Variants in CEP83 observed in about 807,000 individuals in gnomAD.
The protein encoded by CEP83 is centrosomal protein 83.
In CEP83, 70 loss-of-function variants were observed where a neutral mutation model predicts 101.9. The ratio of observed to expected loss-of-function variants is 0.69; its 90% CI spans 0.57 to 0.84. CEP83 has a LOEUF of 0.84. Among genes scored for constraint, CEP83 ranks in the 40% least tolerant of loss-of-function variants. The probability of loss-of-function intolerance (pLI) is 0.00; values close to 1 mark genes in which losing one functional copy is unlikely to be tolerated. For missense variants in CEP83, 715 were observed against 787.2 expected (o/e 0.91, Z 1.10); for synonymous variants, 264 against 267.9 (o/e 0.99, Z 0.14).
chr12:94,417,006 C>T (rs1242565801), intron 2 of CEP83, among the ~76,000 whole-genome samples: 1 of 152,112 alleles, frequency 6.6e-6, no homozygotes, highest in East Asian at 1.9e-4. Context: ...AAGGTGTCAA[C>T]AGAGGCCATC....
At chr12:94,441,600 A>G (rs1186777184) in intron 1 of CEP83, among the ~76,000 whole-genome samples, 2 of 152,192 alleles carry the variant, frequency 1.3e-5, no homozygotes, top group Admixed American at 1.3e-4. Flanking sequence ...CACTATAGAA[A>G]ACAGTGTGGA....
rs1343031583 is a variant in CEP83, at chr12:94,367,886, G to C, written c.1251C>G (p.Val417=). 1.9e-6 allele frequency: 3 copies of C among 1,613,580 alleles called. No homozygotes were observed. Among genetic ancestry groups the C allele is most frequent in the South Asian group, 2.2e-5 (2 of 91,064 alleles). ...DLEKMKVEHD[V]WRQSEKDQYE... ...ACTGATCCTTTTCAGATTGCCTCCA[G>C]ACATCATGTTCCACTTTCATTTTCT... Residue 417 remains valine, a synonymous_variant, in exon 11 of 17, where the codon GTC becomes GTG. Coordinates refer to ENST00000397809, the MANE Select transcript of CEP83 (RefSeq NM_016122.3).
chr12:94,340,833 C>T (rs1324346288), intron 11 of CEP83, among the ~76,000 whole-genome samples: 1 of 152,066 alleles, frequency 6.6e-6, no homozygotes, highest in African/African-American at 2.4e-5. Flanking sequence ...GGACAGCAGA[C>T]AAACGAGAGA....
At chr12:94,303,437 T>C (rs557965058), downstream of CEP83, among the ~76,000 whole-genome samples, 43 of 152,222 alleles carry the variant, frequency 2.8e-4, 1 homozygote, top group Non-Finnish European at 7.3e-5. Flanking sequence ...TGAACTATGA[T>C]TGAAATAAGT....
intron 6 of CEP83, among the ~76,000 whole-genome samples, chr12:94,394,755 C>T (rs1593680926): frequency 6.6e-6 from 1 of 151,182 alleles, no homozygotes. Flanking sequence ...CCAGAATCTA[C>T]AAAGAACTCA....
chr12:94,283,635 G>T, the CEP83 span, among the ~76,000 whole-genome samples: 2 of 152,324 alleles, frequency 1.3e-5, no homozygotes, highest in South Asian at 4.1e-4. Flanking sequence ...TGGGTTGGGG[G>T]AAGCCAGTGA....
intron 2 of CEP83, among the ~76,000 whole-genome samples, chr12:94,412,828 A>T (rs1456700045): frequency 6.6e-6 from 1 of 150,730 alleles, no homozygotes; most frequent in Non-Finnish European, 1.5e-5. Context: ...AGCTGGGATT[A>T]CAGGCGCCTG....
At chr12:94,427,014 G>T (rs936263729) in intron 2 of CEP83, among the ~76,000 whole-genome samples, 4 of 152,102 alleles carry the variant, frequency 2.6e-5, no homozygotes, top group African/African-American at 9.7e-5. Context: ...CTATTATATG[G>T]TAATTTGTAA....
chr12:94,425,631 C>T (rs560184773), intron 2 of CEP83, among the ~76,000 whole-genome samples: 2 of 152,136 alleles, frequency 1.3e-5, no homozygotes, highest in South Asian at 4.1e-4. Context: ...TAATTGTAGC[C>T]CTTCTAGGAG....
intron 6 of CEP83, among the ~76,000 whole-genome samples, chr12:94,389,612 G>A (rs183219356): frequency 2.4e-4 from 37 of 152,300 alleles, no homozygotes; most frequent in African/African-American, 7.9e-4. Flanking sequence ...CATCTCACTG[G>A]GACTGGTGGA....
intron 6 of CEP83, among the ~76,000 whole-genome samples, chr12:94,400,501 AGAAAGAACAATGCTAAGTAAG>A (rs1268679708): frequency 6.6e-6 from 1 of 152,226 alleles, no homozygotes; most frequent in African/African-American, 2.4e-5. Context: ...TCCAAGAAGC[AGAAAGAACAATGCTAAGTAAG>A]GAATCACACT....
chr12:94,306,503 AC>A (rs1454404470), downstream of CEP83: 1 of 152,172 alleles, frequency 6.6e-6, no homozygotes, highest in East Asian at 1.9e-4. Context: ...GCTGCTCATG[AC>A]CAGTTTTAAT....
chr12:94,458,955 C>T (rs1164501119), intron 1 of CEP83, among the ~76,000 whole-genome samples: 1 of 152,186 alleles, frequency 6.6e-6, no homozygotes, highest in African/African-American at 2.4e-5. Context: ...AGAAGCACTG[C>T]TTTAACAACC....
Position 94,378,876 on chromosome 12 carries a change from T to A in CEP83, c.716A>T (p.Glu239Val), listed in dbSNP as rs2061687829. 8.7e-6 allele frequency: 14 copies of A among 1,614,084 alleles called. No individual in the cohort carries two copies. In the East Asian group the frequency reaches 3.1e-4, roughly 36 times the overall value. The change falls in exon 7 of 17, where the codon GAG becomes GTG. Residue 239 changes from glutamate to valine, a missense_variant. By Grantham distance (121) the Glu-to-Val change is moderately radical. Transcript: ENST00000397809. ...AEVAELKAEK[E>V]NSEAQVENAQ... ...ATTTTCCACCTGAGCCTCAGAATTC[T>A]CCTTTTCAGCCTTTAATTCCGCTAC...
chr12:94,300,967 TAAG>T, the CEP83 span: 1 of 1,613,630 alleles, frequency 6.2e-7, no homozygotes, highest in South Asian at 1.1e-5. Context: ...TCTTTGACAT[TAAG>T]AAGACACCAC....
At chr12:94,371,386 A>G (rs143733702) in intron 8 of CEP83, among the ~76,000 whole-genome samples, 3 of 152,330 alleles carry the variant, frequency 2.0e-5, no homozygotes, top group Non-Finnish European at 2.9e-5. Flanking sequence ...GCGCATGTGC[A>G]CAAGTATTAG....
At chr12:94,352,013 A>C (rs1328516752) in intron 11 of CEP83, among the ~76,000 whole-genome samples, 3 of 152,246 alleles carry the variant, frequency 2.0e-5, no homozygotes, top group African/African-American at 7.2e-5. Flanking sequence ...GCAACTACCC[A>C]AACAATACTG....
intron 6 of CEP83, among the ~76,000 whole-genome samples, chr12:94,393,054 G>A (rs1188065538): frequency 6.6e-6 from 1 of 152,158 alleles, no homozygotes; most frequent in Non-Finnish European, 1.5e-5. Context: ...GGTACAAAGA[G>A]GAACTGGTAC....
At position 94,367,980 on chromosome 12, in the gene CEP83, T is replaced by G. The variant is rs754341427; in HGVS notation, c.1194-37A>C. On this transcript the variant is annotated intron_variant, in intron 10 of 16. Transcript: ENST00000397809. ...GATCATAATTATGTTACAAGAACTA[T>G]AATAAAGATGATATGACAGCAAAAT... 3.1e-6 allele frequency: 5 copies of G among 1,607,426 alleles called. No individual in the cohort carries two copies. The Admixed American group carries it at 5.0e-5, about 16-fold the overall frequency.
Sources: allele counts gnomAD v4.1 joint callset (sites outside exome capture counted in the v4.1 genomes callset), GRCh38; gene constraint gnomAD v4.1.1; transcripts MANE v1.5; gene names NCBI Gene and HGNC (gene_info 2026-07-23, HGNC 2026-07-21).